Variants in MAML2 observed in about 807,000 individuals in gnomAD.
MAML2 encodes mastermind-like protein 2.
In MAML2, 22 loss-of-function variants were observed where a neutral mutation model predicts 96.1. The ratio of observed to expected loss-of-function variants is 0.23; its 90% CI spans 0.16 to 0.33. MAML2 has a LOEUF of 0.33. MAML2 is among the 10% of genes least tolerant of loss of function. The probability of loss-of-function intolerance (pLI) is 1.00; values close to 1 mark genes in which losing one functional copy is unlikely to be tolerated. For synonymous variants in MAML2, 561 were observed against 521.3 expected, an observed-to-expected ratio of 1.08 and a Z score of -1.04; for missense variants, 1,367 against 1,392.4, an observed-to-expected ratio of 0.98 and a Z score of 0.29.
At position 96,160,082 on chromosome 11, in the gene MAML2, T is replaced by C. The variant is rs762221157; in HGVS notation, c.514-66565A>G. On this transcript the variant is annotated intron_variant, in intron 1 of 4. Transcript: ENST00000524717. ...TGCCTGCCACAGTGCTTTTCCCCTA[T>C]AGAAAGAGATTAATAAGCACTTGTA... Among the ~76,000 whole-genome samples the C allele has an allele frequency of 3.3e-5, 5 of 152,298 alleles. No homozygotes were observed. In the South Asian group the frequency reaches 8.3e-4, roughly 25 times the overall value.
At chr11:95,989,259 C>A (rs573091345) in intron 3 of MAML2, among the ~76,000 whole-genome samples, 1 of 152,286 alleles carries the variant, frequency 6.6e-6, no homozygotes, top group Admixed American at 6.5e-5. Flanking sequence ...AAGACCACTT[C>A]TTCCTGGATA....
chr11:96,330,751 C>T (rs1323934164), intron 1 of MAML2, among the ~76,000 whole-genome samples: 1 of 152,218 alleles, frequency 6.6e-6, no homozygotes, highest in Non-Finnish European at 1.5e-5. Flanking sequence ...ATTAGCTAGA[C>T]TGGCTTCCTT....
chr11:96,048,734 A>G (rs1424572945), intron 2 of MAML2, among the ~76,000 whole-genome samples: 1 of 152,178 alleles, frequency 6.6e-6, no homozygotes, highest in Non-Finnish European at 1.5e-5. Context: ...ACCTACAAGA[A>G]AATACCCATT....
At chr11:96,106,240 T>C (rs1860018649) in intron 1 of MAML2, among the ~76,000 whole-genome samples, 1 of 152,172 alleles carries the variant, frequency 6.6e-6, no homozygotes, top group African/African-American at 2.4e-5. Flanking sequence ...GCCATATTCT[T>C]TGAAGAGAAA....
intron 1 of MAML2, among the ~76,000 whole-genome samples, chr11:96,166,601 A>G (rs756871686): frequency 2.0e-5 from 3 of 152,198 alleles, no homozygotes; most frequent in Non-Finnish European, 4.4e-5. Flanking sequence ...TAGCTAAAGC[A>G]TTGGTGAAGA....
intron 2 of MAML2, among the ~76,000 whole-genome samples, chr11:96,051,928 T>C (rs548716327): frequency 9.8e-5 from 15 of 152,336 alleles, no homozygotes; most frequent in South Asian, 6.2e-4. Context: ...TAGGCAGAAG[T>C]GAGCATTGTG....
intron 2 of MAML2, among the ~76,000 whole-genome samples, chr11:96,046,023 A>G (rs890875965): frequency 3.3e-5 from 5 of 152,078 alleles, no homozygotes; most frequent in African/African-American, 4.8e-5. Context: ...CTTTTGAAAG[A>G]AGTGAACGAT....
chr11:96,159,511 G>C (rs1354024769), intron 1 of MAML2, among the ~76,000 whole-genome samples: 1 of 4,478 alleles, frequency 2.2e-4, no homozygotes. Context: ...TGCGAGCTCC[G>C]GCCTCCCGGG....
At chr11:96,073,321 C>CTTTTTTTTTT (rs57220287) in intron 2 of MAML2, among the ~76,000 whole-genome samples, 1 of 108,322 alleles carries the variant, frequency 9.2e-6, no homozygotes, top group Non-Finnish European at 2.0e-5. Context: ...CTTTTCTTTT[C>CTTTTTTTTTT]TTTTTTTTTT....
intron 2 of MAML2, among the ~76,000 whole-genome samples, chr11:96,076,432 T>TCACACACACA (rs57102762): frequency 4.7e-4 from 49 of 103,186 alleles, no homozygotes; most frequent in Non-Finnish European, 6.9e-4. Flanking sequence ...TCTCTCTCTC[T>TCACACACACA]CACACACACA....
chr11:96,280,652 C>T (rs906370721), intron 1 of MAML2, among the ~76,000 whole-genome samples: 2 of 152,206 alleles, frequency 1.3e-5, no homozygotes, highest in Admixed American at 1.3e-4. Context: ...GACTCACTGC[C>T]TTACCCCACA....
At chr11:96,036,167 C>A (rs1590973786) in intron 2 of MAML2, among the ~76,000 whole-genome samples, 1 of 152,088 alleles carries the variant, frequency 6.6e-6, no homozygotes, top group Non-Finnish European at 1.5e-5. Context: ...AAAGTAGGCA[C>A]ATGACACACA....
Position 95,978,792 on chromosome 11 carries a change from A to G in MAML2, c.*156T>C, listed in dbSNP as rs1476558095. On this transcript the variant is annotated 3_prime_UTR_variant, in exon 5 of 5. Coordinates refer to ENST00000524717, the MANE Select transcript of MAML2 (RefSeq NM_032427.4). ...AAGATTTAAAACAAGAATTTGGACC[A>G]AAATGTTCATCACTGCAGTTACTTT... is the stretch of plus-strand genomic sequence containing the variant. The G allele has an allele frequency of 1.4e-6, 1 of 697,868 alleles. No homozygotes were observed. Among genetic ancestry groups the G allele is most frequent in the African/African-American group, 1.8e-5 (1 of 55,510 alleles). The allele number at this position is 697,868 out of a possible 1,614,324, so 43.2% of individuals were successfully genotyped here.
At chr11:95,984,702 G>A (rs1187737720) in intron 4 of MAML2, among the ~76,000 whole-genome samples, 1 of 152,176 alleles carries the variant, frequency 6.6e-6, no homozygotes, top group African/African-American at 2.4e-5. Flanking sequence ...TTATAAAATA[G>A]GGGTGTTCAC....
intron 1 of MAML2, among the ~76,000 whole-genome samples, chr11:96,221,441 CCT>C (rs1330476425): frequency 6.6e-6 from 1 of 152,130 alleles, no homozygotes; most frequent in African/African-American, 2.4e-5. Context: ...TTTTGTATCC[CCT>C]GTCATTTTGG....
chr11:96,223,798 G>A (rs972560200), intron 1 of MAML2, among the ~76,000 whole-genome samples: 13 of 152,122 alleles, frequency 8.5e-5, no homozygotes, highest in Admixed American at 7.9e-4. Flanking sequence ...GCCTTAAGAT[G>A]ATTAGTTTAG....
At chr11:96,141,831 A>C (rs528539323) in intron 1 of MAML2, among the ~76,000 whole-genome samples, 1 of 152,352 alleles carries the variant, frequency 6.6e-6, no homozygotes, top group African/African-American at 2.4e-5. Context: ...ATCGATGGGC[A>C]CTGGCAGCAG....
intron 2 of MAML2, among the ~76,000 whole-genome samples, chr11:96,035,621 T>C (rs1334817995): frequency 1.3e-5 from 2 of 152,344 alleles, no homozygotes; most frequent in African/African-American, 4.8e-5. Context: ...CAAGAGATCA[T>C]GAGATCTCAG....
At chr11:96,034,975 G>T (rs970492722) in intron 2 of MAML2, among the ~76,000 whole-genome samples, 9 of 152,162 alleles carry the variant, frequency 5.9e-5, no homozygotes, top group Non-Finnish European at 1.3e-4. Flanking sequence ...AGATTAAAAG[G>T]CTTGTCTGCT....
Sources: allele counts gnomAD v4.1 joint callset (sites outside exome capture counted in the v4.1 genomes callset), GRCh38; gene constraint gnomAD v4.1.1; transcripts MANE v1.5; gene names NCBI Gene and HGNC (gene_info 2026-07-23, HGNC 2026-07-21).